The following NRXN3 variants were observed in gnomAD, a reference collection of about 807,000 sequenced individuals.
NRXN3 encodes neurexin 3, also known as neurexin III.
A neutral mutation model predicts 137.6 loss-of-function variants in NRXN3; 32 were observed. That is an observed-to-expected ratio of 0.23 (90% CI 0.18 to 0.31). The LOEUF (loss-of-function observed/expected upper bound fraction) is 0.31. Ranked by LOEUF, NRXN3 falls within the 10% of genes least tolerant of loss-of-function variation. NRXN3 has a pLI of 1.00. For synonymous variants in NRXN3, 798 were observed against 784.5 expected (o/e 1.02, Z -0.29); for missense variants, 1,574 against 2,062.5 (o/e 0.76, Z 4.59).
intron 3 of NRXN3, among the ~76,000 whole-genome samples, chr14:78,296,305 A>C (rs1214352058): frequency 6.6e-6 from 1 of 152,026 alleles, no homozygotes. Flanking sequence ...GACTCAAGCT[A>C]TTCTCCTGCT....
At chr14:78,392,573 G>A (rs982634587) in intron 4 of NRXN3, among the ~76,000 whole-genome samples, 3 of 152,118 alleles carry the variant, frequency 2.0e-5, no homozygotes, top group Admixed American at 6.6e-5. Flanking sequence ...ATCAACCCTC[G>A]AAGCCTAAAT....
chr14:78,829,303 T>C (rs998742383), intron 10 of NRXN3, among the ~76,000 whole-genome samples: 1 of 152,196 alleles, frequency 6.6e-6, no homozygotes, highest in Middle Eastern at 3.2e-3. Context: ...TGTAAATGTT[T>C]ATAAATTCCA....
intron 15 of NRXN3, among the ~76,000 whole-genome samples, chr14:79,309,244 C>T (rs2086755299): frequency 3.9e-5 from 1 of 25,690 alleles, no homozygotes; most frequent in Non-Finnish European, 7.1e-5. Context: ...ATCCATGTCC[C>T]TACAAAGGAC....
At chr14:79,455,736 A>G (rs879616481) in intron 15 of NRXN3, among the ~76,000 whole-genome samples, 7 of 151,042 alleles carry the variant, frequency 4.6e-5, no homozygotes, top group Admixed American at 4.6e-4. Context: ...CTAATGTTCT[A>G]TTTTTCTCCT....
intron 19 of NRXN3, among the ~76,000 whole-genome samples, chr14:79,778,823 A>G (rs2099105491): frequency 6.6e-6 from 1 of 152,308 alleles, no homozygotes; most frequent in Middle Eastern, 3.4e-3. Flanking sequence ...AGATTTGTTC[A>G]GGGTTTAAAG....
chr14:78,768,035 C>A (rs948166443), intron 8 of NRXN3, among the ~76,000 whole-genome samples: 1 of 149,518 alleles, frequency 6.7e-6, no homozygotes, highest in East Asian at 2.0e-4. Flanking sequence ...TACATTAACA[C>A]CAATTAGATG....
chr14:79,512,084 A>T (rs1017579068), intron 16 of NRXN3, among the ~76,000 whole-genome samples: 1 of 152,142 alleles, frequency 6.6e-6, no homozygotes, highest in Non-Finnish European at 1.5e-5. Flanking sequence ...TTTTTAGTAG[A>T]GATGGGGTTT....
rs140881367 is a variant in NRXN3 at position 78,507,265 on chromosome 14, G to T, written c.758-137855G>T. Among the ~76,000 whole-genome samples the T allele has an allele frequency of 1.0e-3, 159 of 152,286 alleles. 6 individuals carry two copies. In the East Asian group the frequency reaches 0.03, roughly 29 times the overall value. ...CTTACAGATAAAAGTGAGGCCCAGA[G>T]AAACTAAATGGTTTTTCCAAGTTCA... On this transcript the variant is annotated intron_variant, in intron 4 of 20. Coordinates refer to ENST00000335750, the MANE Select transcript of NRXN3 (RefSeq NM_001330195.2).
At chr14:79,227,737 C>CTT in intron 15 of NRXN3, among the ~76,000 whole-genome samples, 1 of 143,748 alleles carries the variant, frequency 7.0e-6, no homozygotes, top group Non-Finnish European at 1.5e-5. Context: ...TCTCTCCTTT[C>CTT]TCTCCTTCCT....
At chr14:78,326,656 A>G (rs2080126663) in intron 4 of NRXN3, among the ~76,000 whole-genome samples, 1 of 152,224 alleles carries the variant, frequency 6.6e-6, no homozygotes, top group Non-Finnish European at 1.5e-5. Flanking sequence ...CAGAAGTAAG[A>G]TGAAGCGTGG....
chr14:78,419,961 G>GCACACACACACACACA lies in NRXN3; in HGVS notation c.757+122111_757+122126dup, dbSNP rs1256574515. 5.9e-4 allele frequency among the ~76,000 whole-genome samples: 29 copies of GCACACACACACACACA among 49,242 alleles called. No individual in the cohort carries two copies. In the South Asian group the frequency reaches 0.01, roughly 17 times the overall value. The allele number at this position is 49,242 out of a possible 152,430, so 32.3% of individuals were successfully genotyped here. A position where few individuals can be genotyped will look rare whatever the true frequency, so the allele number is the denominator to read the frequency against. On this transcript the variant is annotated intron_variant, in intron 4 of 20. Transcript: ENST00000335750. The stretch of plus-strand genomic sequence containing the variant: ...CACGTGTGTGCGCGCGCGCGCGCAC[G>GCACACACACACACACA]CACACACACACACACACACACACAC...
At chr14:79,384,819 G>A (rs1044219217) in intron 15 of NRXN3, among the ~76,000 whole-genome samples, 9 of 152,140 alleles carry the variant, frequency 5.9e-5, no homozygotes, top group African/African-American at 1.2e-4. Context: ...ATAGTTCCAC[G>A]TTTTAGTATT....
chr14:79,569,367 A>G (rs996401340), intron 16 of NRXN3, among the ~76,000 whole-genome samples: 2 of 152,142 alleles, frequency 1.3e-5, no homozygotes, highest in Admixed American at 6.5e-5. Context: ...CTTTGAAAAC[A>G]TCTTCCTTTC....
At chr14:79,169,323 A>G (rs370640039) in intron 15 of NRXN3, among the ~76,000 whole-genome samples, 2 of 152,092 alleles carry the variant, frequency 1.3e-5, no homozygotes, top group African/African-American at 4.8e-5. Context: ...TACAAAAGCC[A>G]CACAAGATTC....
At chr14:79,286,097 T>C (rs1429889092) in intron 15 of NRXN3, among the ~76,000 whole-genome samples, 1 of 152,204 alleles carries the variant, frequency 6.6e-6, no homozygotes, top group Non-Finnish European at 1.5e-5. Flanking sequence ...TCTCAGTTTA[T>C]CTTCTGTGAC....
At position 78,243,153 on chromosome 14, in the gene NRXN3, C is replaced by T. The variant is rs2067243683; in HGVS notation, c.60C>T (p.Ser20=). The part of the protein sequence containing the change: ...FTLKVSILLG[S]LLGLCLGLEF... ...TGAAGGTCAGCATCCTGCTGGGGTCCCTGCTGGGGCTCTGCCTGGGCCTTG... is the reference window on the plus strand; with the variant it reads ...TGAAGGTCAGCATCCTGCTGGGGTCTCTGCTGGGGCTCTGCCTGGGCCTTG... The change falls in exon 2 of 21, where the codon TCC becomes TCT. Residue 20 remains serine (S), a synonymous_variant. Coordinates refer to ENST00000335750, the MANE Select transcript of NRXN3 (RefSeq NM_001330195.2). The surrounding 1 kb of genome is among the most constrained non-coding windows in gnomAD (Gnocchi z 4.2). The T allele has an allele frequency of 1.3e-6, 2 of 1,546,168 alleles. No individual in the cohort carries two copies. The highest frequency in any genetic ancestry group is 2.7e-5 in the African/African-American group (2 of 73,416).
Position 79,791,757 on chromosome 14 carries a change from T to C in NRXN3, c.4015-13355T>C, listed in dbSNP as rs533053268. Among the ~76,000 whole-genome samples, 10 of 152,114 alleles carry C rather than the reference T, an allele frequency of 6.6e-5. No individual in the cohort carries two copies. In the East Asian group the frequency reaches 9.7e-4, roughly 15 times the overall value. On this transcript the variant is annotated intron_variant, in intron 19 of 20. Coordinates refer to ENST00000335750, the MANE Select transcript of NRXN3 (RefSeq NM_001330195.2). ...GACCAGCCAAGTCTTTTTCGTTTTA[T>C]CAAGAATAGAACAAGCATTTCTAGA...
chr14:79,762,549 C>T (rs1317450296), intron 19 of NRXN3, among the ~76,000 whole-genome samples: 3 of 151,176 alleles, frequency 2.0e-5, no homozygotes, highest in African/African-American at 7.4e-5. Flanking sequence ...CTGATGTTAG[C>T]AAGACTGAGT....
At chr14:78,192,219 G>T (rs2060817614) in intron 1 of NRXN3, among the ~76,000 whole-genome samples, 1 of 152,106 alleles carries the variant, frequency 6.6e-6, no homozygotes, top group African/African-American at 2.4e-5. Context: ...ATACTGCTCA[G>T]ATGTTAAACT....
Sources: allele counts gnomAD v4.1 joint callset (sites outside exome capture counted in the v4.1 genomes callset), GRCh38; gene constraint gnomAD v4.1.1; non-coding constraint Gnocchi (gnomAD v3.1); transcripts MANE v1.5; gene names NCBI Gene and HGNC (gene_info 2026-07-23, HGNC 2026-07-21).